Variants in GSTCD observed in about 807,000 individuals in gnomAD.
The protein encoded by GSTCD is glutathione S-transferase C-terminal domain containing.
A neutral mutation model predicts 68.3 loss-of-function variants in GSTCD; 44 were observed. That is an observed-to-expected ratio of 0.64 (90% CI 0.51 to 0.83). The LOEUF is 0.83. Ranked by LOEUF, GSTCD falls within the 40% of genes least tolerant of loss-of-function variation. GSTCD has a pLI of 0.00. For synonymous variants in GSTCD, 273 were observed against 255.2 expected (o/e 1.07, Z -0.67); for missense variants, 739 against 735.9 (o/e 1.00, Z -0.05).
chr4:105,822,026 T>C (rs1384434800), intron 5 of GSTCD, among the ~76,000 whole-genome samples: 1 of 152,012 alleles, frequency 6.6e-6, no homozygotes, highest in Non-Finnish European at 1.5e-5. Context: ...TTAGTATGTT[T>C]AATTTTTTAT....
chr4:105,774,394 T>C lies in GSTCD; in HGVS notation c.1240+44895T>C, dbSNP rs556163370. On this transcript the variant is annotated intron_variant, in intron 5 of 11. Coordinates refer to ENST00000515279, the MANE Select transcript of GSTCD (RefSeq NM_001370181.1). ...ATGTGTGAATTTGAAACTGTCATTA[T>C]GATGCAAGCCGGTTATTTTGCCCAT... Among the ~76,000 whole-genome samples the C allele has an allele frequency of 3.9e-5, 6 of 152,362 alleles. No individual in the cohort carries two copies. In the South Asian group the frequency reaches 1.2e-3, roughly 32 times the overall value.
Position 105,846,371 on chromosome 4 carries a change from TAAAC to T in GSTCD, c.*798_*801del, listed in dbSNP as rs1051756269. 13 of 150,098 alleles carry T rather than the reference TAAAC, an allele frequency of 8.7e-5. No homozygotes were observed. Among genetic ancestry groups the T allele is most frequent in the African/African-American group, 3.3e-4 (13 of 39,512 alleles). 9.3% of individuals were successfully genotyped at this position (150,098 alleles called of 1,614,324 possible). On this transcript the variant is annotated 3_prime_UTR_variant, in exon 12 of 12. Transcript: ENST00000515279. Reference sequence around the variant, plus strand: ...CAAAATAAATCAATGAATGAATTAATAAACAAATAAATAAATAAATAAATTTCCC... The same window carrying T: ...CAAAATAAATCAATGAATGAATTAATAAATAAATAAATAAATAAATTTCCC...
In GSTCD at chr4:105,717,943, A is replaced by G; in HGVS notation, c.330A>G (p.Arg110=). Residue 110 remains arginine (R), a synonymous_variant, in exon 2 of 12, where the codon AGA becomes AGG. Transcript: ENST00000515279. ...GAGCAGGACTTGCTGTTGTATTGAG[A>G]CACATAATCCAGAAATCCTATGAAG... ...FCRAGLAVVL[R]HIIQKSYEAD... The G allele has an allele frequency of 1.2e-6, 2 of 1,614,070 alleles. No individual in the cohort carries two copies. Among genetic ancestry groups the G allele is most frequent in the Non-Finnish European group, 1.7e-6 (2 of 1,179,952 alleles).
chr4:105,783,924 A>G (rs1735371320), intron 5 of GSTCD, among the ~76,000 whole-genome samples: 2 of 152,172 alleles, frequency 1.3e-5, no homozygotes, highest in African/African-American at 2.4e-5. Context: ...ATGTCCATCA[A>G]TTTGAGTTTG....
intron 5 of GSTCD, among the ~76,000 whole-genome samples, chr4:105,753,484 C>T (rs1360542290): frequency 3.9e-5 from 6 of 151,908 alleles, no homozygotes; most frequent in Non-Finnish European, 8.8e-5. Context: ...AAAAAATTTG[C>T]ATCTGTACTG....
chr4:105,844,630 A>G lies in GSTCD; in HGVS notation c.1766-811A>G, dbSNP rs1724480918. On this transcript the variant is annotated intron_variant, in intron 11 of 11. Coordinates refer to ENST00000515279, the MANE Select transcript of GSTCD (RefSeq NM_001370181.1). ...TAGGAAAAATATAATGAAGTTCTGC[A>G]TAGTCAGTAATCTTTTTCCAGGGGG... Among the ~76,000 whole-genome samples, 10 of 152,222 alleles carry G rather than the reference A, an allele frequency of 6.6e-5. 1 individual carries two copies. Among genetic ancestry groups the G allele is most frequent in the Admixed American group, 6.5e-4 (10 of 15,292 alleles).
intron 5 of GSTCD, among the ~76,000 whole-genome samples, chr4:105,812,416 G>C (rs1263055879): frequency 6.6e-6 from 1 of 151,948 alleles, no homozygotes; most frequent in Admixed American, 6.6e-5. Flanking sequence ...GACCAGGCTG[G>C]TCTCAAACTC....
intron 5 of GSTCD, among the ~76,000 whole-genome samples, chr4:105,791,350 G>A (rs1735663305): frequency 6.8e-6 from 1 of 145,992 alleles, no homozygotes; most frequent in Non-Finnish European, 1.5e-5. Flanking sequence ...CCGAGATCGC[G>A]CCACTGCACT....
intron 1 of GSTCD, 165 bp downstream of exon 1, chr4:105,709,181 C>T (rs1732427174): frequency 6.6e-6 from 1 of 152,450 alleles, no homozygotes; most frequent in African/African-American, 2.4e-5. Flanking sequence ...CCGCCTCAAA[C>T]TCCTTTTTGG....
At chr4:105,822,449 A>T (rs1723349373) in intron 5 of GSTCD, among the ~76,000 whole-genome samples, 2 of 152,160 alleles carry the variant, frequency 1.3e-5, no homozygotes, top group Admixed American at 6.6e-5. Context: ...GAGTTCAAGG[A>T]TGTGCCAATT....
At position 105,729,428 on chromosome 4, in the gene GSTCD, T is replaced by C. The variant is rs1275894601; in HGVS notation, c.1169T>C (p.Phe390Ser). The C allele has an allele frequency of 2.5e-6, 4 of 1,610,040 alleles. No homozygotes were observed. Among genetic ancestry groups the C allele is most frequent in the Non-Finnish European group, 3.4e-6 (4 of 1,177,462 alleles). The change falls in exon 5 of 12, where the codon TTT becomes TCT. Residue 390 changes from phenylalanine to serine, a missense_variant. Coordinates refer to ENST00000515279, the MANE Select transcript of GSTCD (RefSeq NM_001370181.1). ...KLMEKGIEVM[F>S]SPHPCPTWTL... ...TAGGAAAAGGGCATTGAAGTGATGT[T>C]TTCTCCCCACCCTTGCCCTACTTGG...
At chr4:105,710,335 C>T (rs1288359754) in intron 1 of GSTCD, among the ~76,000 whole-genome samples, 1 of 146,902 alleles carries the variant, frequency 6.8e-6, no homozygotes, top group Non-Finnish European at 1.5e-5. Flanking sequence ...ATTCTCCTGC[C>T]TCAGCCTCCC....
At chr4:105,815,184 G>A (rs1722924487) in intron 5 of GSTCD, 1 of 152,138 alleles carries the variant, frequency 6.6e-6, no homozygotes, top group Admixed American at 6.5e-5. Flanking sequence ...TCACAGTTCT[G>A]CAGTTTGGTT....
chr4:105,777,717 G>GT (rs1001895804), intron 5 of GSTCD, among the ~76,000 whole-genome samples: 8 of 152,206 alleles, frequency 5.3e-5, no homozygotes, highest in Non-Finnish European at 8.8e-5. Flanking sequence ...CTAAGTCTTG[G>GT]TTTTCTCATC....
At chr4:105,731,871 A>G (rs1368677523) in intron 5 of GSTCD, among the ~76,000 whole-genome samples, 7 of 152,188 alleles carry the variant, frequency 4.6e-5, no homozygotes, top group Non-Finnish European at 8.8e-5. Context: ...CATCCCATCA[A>G]TACCTAATTT....
chr4:105,785,307 A>G (rs1735424201), intron 5 of GSTCD, among the ~76,000 whole-genome samples: 1 of 152,230 alleles, frequency 6.6e-6, no homozygotes, highest in Non-Finnish European at 1.5e-5. Context: ...TATAGATGTG[A>G]AAACTCTCAG....
chr4:105,816,650 T>C (rs1208754886), intron 5 of GSTCD, among the ~76,000 whole-genome samples: 1 of 152,060 alleles, frequency 6.6e-6, no homozygotes, highest in Non-Finnish European at 1.5e-5. Flanking sequence ...AATCACTCAT[T>C]TCCCTGCTAG....
chr4:105,743,458 G>A (rs567560748), intron 5 of GSTCD, among the ~76,000 whole-genome samples: 1 of 151,774 alleles, frequency 6.6e-6, no homozygotes, highest in African/African-American at 2.4e-5. Context: ...CTTTATCTAG[G>A]CAACTCTTTA....
chr4:105,825,192 C>T (rs542914532), intron 7 of GSTCD, among the ~76,000 whole-genome samples: 1 of 152,130 alleles, frequency 6.6e-6, no homozygotes, highest in African/African-American at 2.4e-5. Flanking sequence ...TACAGTGGTG[C>T]GATCTCAGCT....
Sources: allele counts gnomAD v4.1 joint callset (sites outside exome capture counted in the v4.1 genomes callset), GRCh38; gene constraint gnomAD v4.1.1; transcripts MANE v1.5; gene names NCBI Gene and HGNC (gene_info 2026-07-23, HGNC 2026-07-21).